The following TOR3A variants were observed in gnomAD, a reference collection of about 807,000 sequenced individuals.
TOR3A encodes the protein torsin-3A.
TOR3A carries 44 observed loss-of-function variants against 42.1 expected under a neutral mutation model. That is an observed-to-expected ratio of 1.04 (90% CI 0.82 to 1.34). The LOEUF (loss-of-function observed/expected upper bound fraction) is 1.34. Among genes scored for constraint, TOR3A ranks in the 40% most tolerant of loss-of-function variants. The pLI, the probability that TOR3A is intolerant of heterozygous loss-of-function variation, is 0.00. For missense variants in TOR3A, 521 were observed against 507.6 expected, an observed-to-expected ratio of 1.03 and a Z score of -0.25; for synonymous variants, 227 against 213.2, an observed-to-expected ratio of 1.06 and a Z score of -0.57.
intron 2 of TOR3A, 41 bp downstream of exon 2, chr1:179,083,094 G>A (rs759436447): frequency 1.6e-6 from 2 of 1,270,602 alleles, no homozygotes; most frequent in Middle Eastern, 1.9e-4. Flanking sequence ...GGATCTGTGG[G>A]GAGGGGAGGC....
chr1:179,092,178 G>A (rs755706752), intron 4 of TOR3A, among the ~76,000 whole-genome samples: 6 of 152,204 alleles, frequency 3.9e-5, no homozygotes, highest in Admixed American at 6.5e-5. Context: ...TAGCCTCTAC[G>A]CAATGGTGGA....
chr1:179,083,587 GGGGGGGGGGGGGC>G lies in TOR3A; in HGVS notation c.373+538_373+550del, dbSNP rs1652353572. On this transcript the variant is annotated intron_variant, in intron 2 of 5. Transcript: ENST00000367627. ...TCTGTATTTTTAGTAGAGGCGGGGG[GGGGGGGGGGGGGC>G]GGGTTTCACCATGTTGGCCAGGCCG... 8.2e-4 allele frequency among the ~76,000 whole-genome samples: 3 copies of G among 3,644 alleles called. 1 individual carries two copies. Among genetic ancestry groups the G allele is most frequent in the Non-Finnish European group, 1.8e-3 (3 of 1,714 alleles). The allele number at this position is 3,644 out of a possible 152,430, so 2.4% of individuals were successfully genotyped here.
rs1652675866 is a variant in TOR3A, at chr1:179,094,306, AG to A, written c.943+92del. 2.7e-6 allele frequency: 4 copies of A among 1,500,354 alleles called. No homozygotes were observed. The African/African-American group carries it at 5.6e-5, about 21-fold the overall frequency. The allele number at this position is 1,500,354 out of a possible 1,614,324, so 92.9% of individuals were successfully genotyped here. A position where few individuals can be genotyped will look rare whatever the true frequency, so the allele number is the denominator to read the frequency against. The stretch of plus-strand genomic sequence containing the variant: ...TGGAATGTGTGTTTATGAAGCAGAC[AG>A]GGTACTTGGGAACACAGAGGGCAGA... On this transcript the variant is annotated intron_variant, in intron 5 of 5. Transcript: ENST00000367627.
At position 179,087,993 on chromosome 1, in the gene TOR3A, A is replaced by G; in HGVS notation, c.722A>G (p.His241Arg). Residue 241 changes from histidine to arginine, a missense_variant, in exon 4 of 6, where the codon CAC (histidine) becomes CGC (arginine). Coordinates refer to ENST00000367627, the MANE Select transcript of TOR3A (RefSeq NM_022371.4). ...LFIFDEAEKL[H>R]PGLLEVLGPH... ...ATCTTCGATGAAGCGGAGAAGCTGC[A>G]CCCAGGGCTGCTGGAGGTCCTTGGG... is the stretch of plus-strand genomic sequence containing the variant. 1 of 1,613,638 alleles carries G rather than the reference A, an allele frequency of 6.2e-7. No homozygotes were observed. The highest frequency in any genetic ancestry group is 1.1e-5 in the South Asian group (1 of 91,050).
chr1:179,090,119 G>T (rs1321320875), intron 4 of TOR3A, among the ~76,000 whole-genome samples: 1 of 139,650 alleles, frequency 7.2e-6, no homozygotes, highest in Non-Finnish European at 1.6e-5. Context: ...GGTGGGGGGG[G>T]GGGCCTGCGG....
intron 4 of TOR3A, among the ~76,000 whole-genome samples, chr1:179,089,737 C>T (rs1652526351): frequency 6.6e-6 from 1 of 152,146 alleles, no homozygotes; most frequent in Admixed American, 6.5e-5. Context: ...CCCTCTGAAC[C>T]ACCGATGCGG....
chr1:179,095,364 A>G lies in TOR3A; in HGVS notation c.*146A>G, dbSNP rs1248645813. 3.3e-6 allele frequency: 5 copies of G among 1,502,708 alleles called. No homozygotes were observed. In the East Asian group the frequency reaches 1.1e-4, roughly 34 times the overall value. The allele number at this position is 1,502,708 out of a possible 1,614,324, so 93.1% of individuals were successfully genotyped here. On this transcript the variant is annotated 3_prime_UTR_variant, in exon 6 of 6. Coordinates refer to ENST00000367627, the MANE Select transcript of TOR3A (RefSeq NM_022371.4). ...CTAACAAACACACAACTGGTGTGTAAAAGGCAGGCCTTACATTAGAAGCCA... is the reference window on the plus strand; with the variant it reads ...CTAACAAACACACAACTGGTGTGTAGAAGGCAGGCCTTACATTAGAAGCCA...
intron 5 of TOR3A, among the ~76,000 whole-genome samples, chr1:179,094,606 T>C (rs1652684396): frequency 6.6e-6 from 1 of 152,032 alleles, no homozygotes; most frequent in Non-Finnish European, 1.5e-5. Context: ...GGGCCAGGTG[T>C]GGTGGCTCAC....
intron 3 of TOR3A, 66 bp from the exon 4 acceptor site, chr1:179,087,845 C>A: frequency 6.8e-7 from 1 of 1,468,792 alleles, no homozygotes; most frequent in South Asian, 1.4e-5. Context: ...CAGGGGAAAC[C>A]ACGCCCTCAA....
chr1:179,084,367 T>C (rs1557886732), intron 2 of TOR3A, among the ~76,000 whole-genome samples: 3 of 152,084 alleles, frequency 2.0e-5, no homozygotes, highest in Non-Finnish European at 4.4e-5. Context: ...GCTGGGATTA[T>C]AGGTGCCCAC....
In TOR3A at chr1:179,094,121, G is replaced by T; in HGVS notation, c.847G>T (p.Val283Leu). 6.2e-7 allele frequency: 1 copy of T among 1,614,034 alleles called. No individual in the cohort carries two copies. The highest frequency in any genetic ancestry group is 8.5e-7 in the Non-Finnish European group (1 of 1,179,972). The stretch of plus-strand genomic sequence containing the variant: ...TCTCAGGGGCGATATAATCAATGAG[G>T]TGGTCCTAAAGTTGCTCAAGGCTGG... ...SNLRGDIINEVVLKLLKAGWS... is the reference protein window; with the variant it reads ...SNLRGDIINELVLKLLKAGWS... The change falls in exon 5 of 6, where the codon GTG (valine) becomes TTG (leucine). Residue 283 changes from valine to leucine, a missense_variant. Coordinates refer to ENST00000367627, the MANE Select transcript of TOR3A (RefSeq NM_022371.4).
intron 4 of TOR3A, among the ~76,000 whole-genome samples, chr1:179,092,804 G>GCACT (rs1457095897): frequency 6.6e-6 from 1 of 151,868 alleles, no homozygotes; most frequent in Non-Finnish European, 1.5e-5. Context: ...TCACGCCACT[G>GCACT]CACTCCAGCC....
intron 1 of TOR3A, 69 bp downstream of exon 1, chr1:179,082,456 G>A: frequency 1.3e-6 from 2 of 1,518,848 alleles, no homozygotes. Flanking sequence ...GGCTGTGGTC[G>A]CCTCGCTCCT....
At chr1:179,094,439 C>T (rs1652678600) in intron 5 of TOR3A, among the ~76,000 whole-genome samples, 1 of 152,208 alleles carries the variant, frequency 6.6e-6, no homozygotes, top group South Asian at 2.1e-4. Context: ...GCACTGGCCC[C>T]AAGAACAGGC....
At chr1:179,094,026 G>A in intron 4 of TOR3A, 67 bp from the exon 5 acceptor site, 1 of 1,564,810 alleles carries the variant, frequency 6.4e-7, no homozygotes, top group South Asian at 1.2e-5. Context: ...ATTGGTTTCA[G>A]CGGTGAGATA....
rs777576896 is a variant in TOR3A, at chr1:179,095,950, T to C, written c.*732T>C. ...AGACAATAGGGGGTCTTGACATGTT[T>C]GTTGTATGTAAAGATGATAAGATTA... On this transcript the variant is annotated 3_prime_UTR_variant, in exon 6 of 6. Coordinates refer to ENST00000367627, the MANE Select transcript of TOR3A (RefSeq NM_022371.4). 82 of 985,114 alleles carry C rather than the reference T, an allele frequency of 8.3e-5. No homozygotes were observed. Among genetic ancestry groups the C allele is most frequent in the Non-Finnish European group, 9.6e-5 (80 of 829,874 alleles). The allele number at this position is 985,114 out of a possible 1,614,324, so 61.0% of individuals were successfully genotyped here.
chr1:179,094,163 A>G lies in TOR3A; in HGVS notation c.889A>G (p.Ile297Val), dbSNP rs1652671732. The change falls in exon 5 of 6, where the codon ATT becomes GTT. Residue 297 changes from isoleucine to valine, a missense_variant. Ile to Val is a conservative substitution (Grantham distance 29, BLOSUM62 3). Coordinates refer to ENST00000367627, the MANE Select transcript of TOR3A (RefSeq NM_022371.4). ...CAAGGCTGGATGGTCCCGGGAAGAA[A>G]TTACGATGGAACACCTGGAGCCCCA... Reference protein sequence around the residue: ...LLKAGWSREEITMEHLEPHLQ... With the variant: ...LLKAGWSREEVTMEHLEPHLQ... 6.2e-7 allele frequency: 1 copy of G among 1,614,134 alleles called. No individual in the cohort carries two copies. Among genetic ancestry groups the G allele is most frequent in the South Asian group, 1.1e-5 (1 of 91,074 alleles).
chr1:179,089,945 G>GT (rs1318855169), intron 4 of TOR3A, among the ~76,000 whole-genome samples: 5 of 152,244 alleles, frequency 3.3e-5, no homozygotes, highest in Middle Eastern at 3.4e-3. Flanking sequence ...CACCTGGGCC[G>GT]TGATTGCCTA....
At chr1:179,087,426 C>T (rs1652462062) in intron 3 of TOR3A, among the ~76,000 whole-genome samples, 2 of 152,218 alleles carry the variant, frequency 1.3e-5, no homozygotes, top group African/African-American at 4.8e-5. Context: ...CTTTGCCCAT[C>T]ACCCCTGTAT....
Sources: gnomAD v4.1 joint callset for allele counts (sites outside exome capture counted in the v4.1 genomes callset) on GRCh38, gnomAD v4.1.1 for gene constraint, MANE v1.5 for transcripts, NCBI Gene and HGNC (gene_info 2026-07-23, HGNC 2026-07-21) for gene names.